The following FBN1 variants were observed in gnomAD, a reference collection of about 807,000 sequenced individuals.
FBN1 encodes fibrillin 1.
Under a neutral mutation model 365.1 loss-of-function variants are expected in FBN1, and 29 were observed. That is an observed-to-expected ratio of 0.08 (90% confidence interval 0.06 to 0.11). The LOEUF (loss-of-function observed/expected upper bound fraction) is 0.11, where lower values mean the gene tolerates loss of function less well. Among genes scored for constraint, FBN1 ranks in the 10% least tolerant of loss-of-function variants. The pLI, the probability that FBN1 is intolerant of heterozygous loss-of-function variation, is 1.00. For missense variants in FBN1, 2,476 were observed against 3,703.2 expected, an observed-to-expected ratio of 0.67 and a Z score of 8.60; for synonymous variants, 1,210 against 1,270.5, an observed-to-expected ratio of 0.95 and a Z score of 1.01.
chr15:48,469,125 A>C (rs1243021149), intron 36 of FBN1, among the ~76,000 whole-genome samples: 2 of 146,904 alleles, frequency 1.4e-5, no homozygotes, highest in Non-Finnish European at 3.0e-5. Context: ...ATATATATAA[A>C]ATATAATATA....
At chr15:48,458,321 C>A (rs939781820) in intron 43 of FBN1, among the ~76,000 whole-genome samples, 3 of 151,882 alleles carry the variant, frequency 2.0e-5, no homozygotes, top group African/African-American at 7.2e-5. Context: ...TTATTTTAGA[C>A]CCTTTTTAAA....
intron 6 of FBN1, among the ~76,000 whole-genome samples, chr15:48,549,323 G>A (rs1038126110): frequency 6.6e-5 from 10 of 152,196 alleles, no homozygotes; most frequent in African/African-American, 2.4e-4. Context: ...ACGAGCACTG[G>A]TGTTCACCTC....
chr15:48,508,495 A>G, intron 15 of FBN1, 87 bp downstream of exon 15: 2 of 1,567,818 alleles, frequency 1.3e-6, no homozygotes, highest in Non-Finnish European at 1.8e-6. Context: ...AGTGGGGAGA[A>G]TCAGTAAAGA....
intron 32 of FBN1, among the ~76,000 whole-genome samples, chr15:48,476,171 C>T (rs1044417326): frequency 6.6e-6 from 1 of 152,198 alleles, no homozygotes; most frequent in Admixed American, 6.5e-5. Context: ...TATGTCTTTC[C>T]ATACCTGACC....
At chr15:48,496,027 C>T (rs2141304866) in intron 20 of FBN1, 73 bp downstream of exon 20, 1 of 1,574,794 alleles carries the variant, frequency 6.4e-7, no homozygotes, top group Non-Finnish European at 8.7e-7. Context: ...GACTCTAATT[C>T]AGTCTTATGG....
chr15:48,445,310 AC>A, intron 48 of FBN1, 65 bp downstream of exon 48: 1 of 1,558,420 alleles, frequency 6.4e-7, no homozygotes, highest in Admixed American at 1.7e-5. Flanking sequence ...TAGAACAGAG[AC>A]TGCATGATTC....
chr15:48,489,747 A>G, intron 25 of FBN1, 104 bp downstream of exon 25: 1 of 934,028 alleles, frequency 1.1e-6, no homozygotes, highest in Admixed American at 1.9e-5. Context: ...TCAGAAAGCA[A>G]AAAGTCCATG....
At chr15:48,460,550 C>A (rs1321485329) in intron 42 of FBN1, among the ~76,000 whole-genome samples, 1 of 152,056 alleles carries the variant, frequency 6.6e-6, no homozygotes, top group Non-Finnish European at 1.5e-5. Context: ...AAGTAGAGAT[C>A]CCCAGATCAC....
At chr15:48,467,786 T>G in intron 38 of FBN1, 152 bp downstream of exon 38, 2 of 728,750 alleles carry the variant, frequency 2.7e-6, no homozygotes, top group South Asian at 3.2e-5. Context: ...GAATATTTTC[T>G]GACTCTCGAA....
intron 36 of FBN1, among the ~76,000 whole-genome samples, chr15:48,469,341 CCT>C (rs1282054727): frequency 6.6e-6 from 1 of 151,958 alleles, no homozygotes; most frequent in Non-Finnish European, 1.5e-5. Flanking sequence ...TGCTGCTTCC[CCT>C]GACACACACG....
At chr15:48,641,171 A>T (rs1890190423) in intron 2 of FBN1, 1 of 152,168 alleles carries the variant, frequency 6.6e-6, no homozygotes, top group Non-Finnish European at 1.5e-5. Flanking sequence ...TTCCATTTTT[A>T]AAAAAGGATT....
In FBN1 at chr15:48,434,152, T is replaced by G. The variant is rs943956133; in HGVS notation, c.6616+442A>C. 3.5e-4 allele frequency among the ~76,000 whole-genome samples: 54 copies of G among 152,294 alleles called. 1 individual carries two copies. The highest frequency in any genetic ancestry group is 2.8e-3 in the Admixed American group (43 of 15,282). ...GCTTATATATTACAGGCAACCGCTTTTGCTGTGATTGCCTCCAAATGGCTA... is the reference window on the plus strand; with the variant it reads ...GCTTATATATTACAGGCAACCGCTTGTGCTGTGATTGCCTCCAAATGGCTA... On this transcript the variant is annotated intron_variant, in intron 54 of 65. Coordinates refer to ENST00000316623, the MANE Select transcript of FBN1 (RefSeq NM_000138.5).
intron 48 of FBN1, among the ~76,000 whole-genome samples, chr15:48,444,862 T>G (rs568729062): frequency 2.8e-4 from 43 of 152,132 alleles, no homozygotes; most frequent in Admixed American, 4.6e-4. Context: ...ACAACCATAT[T>G]TTATTTTACC....
At chr15:48,641,750 T>G (rs1890202186) in intron 2 of FBN1, 1 of 152,136 alleles carries the variant, frequency 6.6e-6, no homozygotes, top group Non-Finnish European at 1.5e-5. Context: ...AAACAGAAAT[T>G]TTAAGCAATA....
intron 36 of FBN1, among the ~76,000 whole-genome samples, chr15:48,470,177 G>C (rs2043359361): frequency 6.6e-6 from 1 of 152,112 alleles, no homozygotes; most frequent in Non-Finnish European, 1.5e-5. Context: ...ATACACTAGA[G>C]ATAGGTGGCT....
In FBN1 at chr15:48,410,865, T is replaced by C; in HGVS notation, c.*125A>G. The C allele has an allele frequency of 1.0e-6, 1 of 992,662 alleles. No individual in the cohort carries two copies. Among genetic ancestry groups the C allele is most frequent in the Non-Finnish European group, 1.5e-6 (1 of 671,354 alleles). 61.5% of individuals were successfully genotyped at this position (992,662 alleles called of 1,614,324 possible). A position where few individuals can be genotyped will look rare whatever the true frequency, so the allele number is the denominator to read the frequency against. ...GCTTTGGTAATACAAAGAATAGTGC[T>C]TATTTATACAAATTTACTTGGTGAA... On this transcript the variant is annotated 3_prime_UTR_variant, in exon 66 of 66. Coordinates refer to ENST00000316623, the MANE Select transcript of FBN1 (RefSeq NM_000138.5).
chr15:48,619,154 C>T (rs1889718346), intron 2 of FBN1, among the ~76,000 whole-genome samples: 1 of 152,068 alleles, frequency 6.6e-6, no homozygotes, highest in South Asian at 2.1e-4. Context: ...AGGTTGGAGA[C>T]CACTGCTGTA....
intron 49 of FBN1, among the ~76,000 whole-genome samples, 171 bp downstream of exon 49, chr15:48,444,370 A>G (rs746840701): frequency 5.3e-5 from 8 of 152,216 alleles, no homozygotes; most frequent in Non-Finnish European, 8.8e-5. Context: ...TTAGCATGAT[A>G]ATTAGTGCTT....
Position 48,481,641 on chromosome 15 carries a change from T to G in FBN1, c.3964+14A>C. ...ACTACTTAATATTTTATTGTTCTAC[T>G]TGAACAAACACACCTGTACAGCCAG... On this transcript the variant is annotated intron_variant, in intron 32 of 65. Coordinates refer to ENST00000316623, the MANE Select transcript of FBN1 (RefSeq NM_000138.5). 1 of 1,613,442 alleles carries G rather than the reference T, an allele frequency of 6.2e-7. No individual in the cohort carries two copies. The highest frequency in any genetic ancestry group is 8.5e-7 in the Non-Finnish European group (1 of 1,179,532).
Sources: gnomAD v4.1 joint callset for allele counts (sites outside exome capture counted in the v4.1 genomes callset) on GRCh38, gnomAD v4.1.1 for gene constraint, MANE v1.5 for transcripts, NCBI Gene and HGNC (gene_info 2026-07-23, HGNC 2026-07-21) for gene names.